Variants in NKD1 observed in about 807,000 individuals in gnomAD.
NKD1 encodes the protein NKD inhibitor of Wnt signaling pathway 1.
A neutral mutation model predicts 56.0 loss-of-function variants in NKD1; 21 were observed. The ratio of observed to expected loss-of-function variants is 0.38; its 90% CI spans 0.27 to 0.54. The LOEUF (loss-of-function observed/expected upper bound fraction) is 0.54. NKD1 is among the 20% of genes least tolerant of loss of function. The pLI, the probability that NKD1 is intolerant of heterozygous loss-of-function variation, is 0.82. For synonymous variants in NKD1, 263 were observed against 265.7 expected, an observed-to-expected ratio of 0.99 and a Z score of 0.10; for missense variants, 578 against 642.7, an observed-to-expected ratio of 0.90 and a Z score of 1.09.
intron 3 of NKD1, among the ~76,000 whole-genome samples, chr16:50,599,156 A>T (rs1471808292): frequency 6.6e-6 from 1 of 152,088 alleles, no homozygotes; most frequent in Non-Finnish European, 1.5e-5. Flanking sequence ...CCGCTGTGGC[A>T]TCCCTGACAA....
chr16:50,572,900 G>A, intron 3 of NKD1: 2 of 984,026 alleles, frequency 2.0e-6, no homozygotes, highest in Non-Finnish European at 2.4e-6. Context: ...AAGGGGTGCT[G>A]ACCTGCCCCG....
chr16:50,584,854 A>G (rs980157235), intron 3 of NKD1, among the ~76,000 whole-genome samples: 36 of 152,126 alleles, frequency 2.4e-4, no homozygotes, highest in African/African-American at 8.5e-4. Flanking sequence ...TGACACCCCT[A>G]CACTTACCCT....
At chr16:50,560,932 G>C (rs1960617542) in intron 3 of NKD1, among the ~76,000 whole-genome samples, 2 of 152,014 alleles carry the variant, frequency 1.3e-5, no homozygotes, top group South Asian at 4.2e-4. Context: ...AAAAACGCTG[G>C]TGTGGGTCAC....
chr16:50,636,873 G>T lies in NKD1; in HGVS notation c.*3092G>T, dbSNP rs921167744. On this transcript the variant is annotated 3_prime_UTR_variant, in exon 10 of 10. Coordinates refer to ENST00000268459, the MANE Select transcript of NKD1 (RefSeq NM_033119.5). ...TATTTATTTCGGATCTATTTTTAAG[G>T]GGGGGAACCCTGCAGTTACTGCTTA... 7 of 151,972 alleles carry T rather than the reference G, an allele frequency of 4.6e-5. No individual in the cohort carries two copies. The East Asian group carries it at 1.2e-3, about 25-fold the overall frequency. The allele number at this position is 151,972 out of a possible 1,614,324, so 9.4% of individuals were successfully genotyped here.
At position 50,648,840 on chromosome 16, in the gene NKD1, G is replaced by A. The variant is rs1962727847; in HGVS notation, c.*15059G>A. The A allele has an allele frequency of 6.6e-6, 1 of 152,240 alleles. No individual in the cohort carries two copies. The highest frequency in any genetic ancestry group is 2.4e-5 in the African/African-American group (1 of 41,436). The allele number at this position is 152,240 out of a possible 1,614,324, so 9.4% of individuals were successfully genotyped here. ...CTTCTTCCATTTTGCTGCCTGGAAA[G>A]CAGATGTGATGGCTGGAATTCCAGT... On this transcript the variant is annotated 3_prime_UTR_variant, in exon 10 of 10. Transcript: ENST00000268459.
intron 5 of NKD1, 59 bp from the exon 6 acceptor site, chr16:50,625,426 C>T: frequency 8.1e-7 from 1 of 1,227,064 alleles, no homozygotes; most frequent in Non-Finnish European, 1.2e-6. Context: ...CAGGCTTCCA[C>T]TACCCAGTCA....
Position 50,638,237 on chromosome 16 carries a change from C to G in NKD1, c.*4456C>G, listed in dbSNP as rs1309297704. The stretch of plus-strand genomic sequence containing the variant: ...GTGCTCTCAGGAATGAAAGGGGACC[C>G]CTGAGAGGTGCTCAGTACCAGCAGG... On this transcript the variant is annotated 3_prime_UTR_variant, in exon 10 of 10. Transcript: ENST00000268459. 6.6e-6 allele frequency: 1 copy of G among 152,170 alleles called. No homozygotes were observed. The highest frequency in any genetic ancestry group is 2.4e-5 in the African/African-American group (1 of 41,410). The allele number at this position is 152,170 out of a possible 1,614,324, so 9.4% of individuals were successfully genotyped here.
At chr16:50,602,832 G>A (rs1028986647) in intron 3 of NKD1, among the ~76,000 whole-genome samples, 2 of 152,210 alleles carry the variant, frequency 1.3e-5, no homozygotes, top group Admixed American at 6.5e-5. Flanking sequence ...CGTCCCTCTC[G>A]TGTGGCACTC....
At chr16:50,589,754 C>CTT (rs1306923889) in intron 3 of NKD1, among the ~76,000 whole-genome samples, 4 of 88,014 alleles carry the variant, frequency 4.5e-5, no homozygotes, top group Non-Finnish European at 9.4e-5. Flanking sequence ...CTTCTCTTCT[C>CTT]TTCTCTTCTC....
chr16:50,564,899 C>T (rs996720497), intron 3 of NKD1, among the ~76,000 whole-genome samples: 2 of 152,186 alleles, frequency 1.3e-5, no homozygotes, highest in African/African-American at 4.8e-5. Context: ...CCACCTCCAC[C>T]TCCCAGCTTC....
At chr16:50,624,336 G>A (rs1050885228) in intron 5 of NKD1, among the ~76,000 whole-genome samples, 2 of 152,080 alleles carry the variant, frequency 1.3e-5, no homozygotes, top group Non-Finnish European at 2.9e-5. Flanking sequence ...TCACCACTTC[G>A]CGTCTCACAT....
At chr16:50,553,624 C>T (rs1256445088) in intron 3 of NKD1, 2 of 152,222 alleles carry the variant, frequency 1.3e-5, no homozygotes. Flanking sequence ...TTAAAAGGCC[C>T]CATGTCTTTG....
chr16:50,566,040 G>T (rs1012118121), intron 3 of NKD1: 7 of 387,798 alleles, frequency 1.8e-5, no homozygotes, highest in African/African-American at 4.4e-5. Flanking sequence ...ACCAGGTGTG[G>T]CTCTGCTATT....
At chr16:50,593,396 G>A (rs972899941) in intron 3 of NKD1, among the ~76,000 whole-genome samples, 19 of 152,164 alleles carry the variant, frequency 1.2e-4, no homozygotes, top group Non-Finnish European at 2.6e-4. Context: ...ATCCCCTCGT[G>A]GCTCTGTTTT....
rs376743324 is a variant in NKD1 at position 50,580,082 on chromosome 16, C to T, written c.193-28212C>T. Among the ~76,000 whole-genome samples the T allele has an allele frequency of 4.9e-4, 75 of 152,312 alleles. 1 individual carries two copies. The South Asian group carries it at 0.016, about 32-fold the overall frequency. On this transcript the variant is annotated intron_variant, in intron 3 of 9. Coordinates refer to ENST00000268459, the MANE Select transcript of NKD1 (RefSeq NM_033119.5). Reference sequence around the variant, plus strand: ...CCACCGGCTAGTCGCTACACATGCACTCTAACCCACTAAGCATGCACCCCA... The same window carrying T: ...CCACCGGCTAGTCGCTACACATGCATTCTAACCCACTAAGCATGCACCCCA...
At chr16:50,616,203 T>G in intron 4 of NKD1, 1 of 409,372 alleles carries the variant, frequency 2.4e-6, no homozygotes, top group Non-Finnish European at 5.1e-6. Context: ...TGGCTTGTGT[T>G]AAATCTTACA....
chr16:50,573,873 G>T (rs1960937542), intron 3 of NKD1: 1 of 985,248 alleles, frequency 1.0e-6, no homozygotes, highest in East Asian at 1.1e-4. Flanking sequence ...CAGGGGCGGG[G>T]GTGAGGGTGC....
intron 6 of NKD1, among the ~76,000 whole-genome samples, chr16:50,626,575 G>A (rs565708968): frequency 6.6e-6 from 1 of 152,336 alleles, no homozygotes; most frequent in South Asian, 2.1e-4. Flanking sequence ...GGCCGTGGTG[G>A]CCAATCAGCA....
chr16:50,566,508 T>C (rs576014079), intron 3 of NKD1, among the ~76,000 whole-genome samples: 3 of 152,376 alleles, frequency 2.0e-5, no homozygotes, highest in African/African-American at 7.2e-5. Flanking sequence ...GTCACATGCC[T>C]GTCCTGGAGT....
Sources: allele counts gnomAD v4.1 joint callset (sites outside exome capture counted in the v4.1 genomes callset), GRCh38; gene constraint gnomAD v4.1.1; transcripts MANE v1.5; gene names NCBI Gene and HGNC (gene_info 2026-07-23, HGNC 2026-07-21).